TSHZ3: variants seen among roughly 807,000 people sequenced by gnomAD.
The protein encoded by TSHZ3 is teashirt homolog 3.
A neutral mutation model predicts 64.5 loss-of-function variants in TSHZ3; 10 were observed. That is an observed-to-expected ratio of 0.16 (90% CI 0.10 to 0.26). TSHZ3 has a LOEUF of 0.26. Among genes scored for constraint, TSHZ3 ranks in the 10% least tolerant of loss-of-function variants. The pLI is 1.00. For missense variants in TSHZ3, 1,242 were observed against 1,421.7 expected (o/e 0.87, Z 2.03); for synonymous variants, 608 against 593.1 (o/e 1.03, Z -0.36).
At chr19:31,290,029 C>T (rs1976537102) in intron 1 of TSHZ3, among the ~76,000 whole-genome samples, 1 of 152,182 alleles carries the variant, frequency 6.6e-6, no homozygotes. Context: ...AAACGTGCTG[C>T]ACACCTTGCT....
At chr19:31,199,020 C>G (rs1235021191) in intron 5 of TSHZ3, among the ~76,000 whole-genome samples, 1 of 152,146 alleles carries the variant, frequency 6.6e-6, no homozygotes, top group East Asian at 1.9e-4. Context: ...TCTAGACTTA[C>G]TGTAAAACTA....
chr19:31,338,822 TC>T (rs1485816993), intron 1 of TSHZ3, among the ~76,000 whole-genome samples: 4 of 146,776 alleles, frequency 2.7e-5, no homozygotes, highest in East Asian at 4.2e-4. Flanking sequence ...ATCTTTTTTT[TC>T]TTTCTTTCTT....
At chr19:31,179,189 C>T (rs889545147) in intron 5 of TSHZ3, among the ~76,000 whole-genome samples, 12 of 152,130 alleles carry the variant, frequency 7.9e-5, no homozygotes, top group Admixed American at 4.6e-4. Context: ...TAAAACACTC[C>T]AGGGCTATCA....
intron 3 of TSHZ3, among the ~76,000 whole-genome samples, chr19:31,233,762 C>T (rs114956160): frequency 0.014 from 2,097 of 152,244 alleles, 56 homozygotes; most frequent in African/African-American, 0.048. Flanking sequence ...TTCAAAACAA[C>T]GTGAGCAAAG....
chr19:31,303,082 T>C (rs1249073949), intron 1 of TSHZ3, among the ~76,000 whole-genome samples: 2 of 152,178 alleles, frequency 1.3e-5, no homozygotes, highest in African/African-American at 4.8e-5. Flanking sequence ...TACAGAGTCA[T>C]CTTTCAAATA....
Position 31,276,924 on chromosome 19 carries a change from G to A in TSHZ3, c.2869C>T (p.Leu957Phe). ...SHWLANVKYQ[L>F]RRTGGTKFLK... ...AACTTTGTTCCACCTGTCCTTCGAA[G>A]CTGGTATTTCACGTTGGCCAGCCAG... Residue 957 changes from leucine (L) to phenylalanine (F), a missense_variant, in exon 2 of 2, where the codon CTT becomes TTT. Physicochemically the swap from Leu to Phe is conservative, Grantham distance 22. This residue lies in a region of TSHZ3 where 11 missense variants were observed against 31.9 expected (regional missense o/e 0.34). Transcript: ENST00000240587. The A allele has an allele frequency of 6.2e-7, 1 of 1,614,246 alleles. No individual in the cohort carries two copies. Among genetic ancestry groups the A allele is most frequent in the Non-Finnish European group, 8.5e-7 (1 of 1,180,046 alleles).
At chr19:31,281,703 A>G (rs1976363458) in intron 1 of TSHZ3, among the ~76,000 whole-genome samples, 1 of 152,250 alleles carries the variant, frequency 6.6e-6, no homozygotes, top group Non-Finnish European at 1.5e-5. Context: ...TGCTAGCCAC[A>G]GTGAAGACTG....
chr19:31,260,009 C>A (rs776988784), intron 1 of TSHZ3, among the ~76,000 whole-genome samples: 12 of 152,168 alleles, frequency 7.9e-5, no homozygotes, highest in Non-Finnish European at 1.8e-4. Flanking sequence ...AGAACAACTT[C>A]TATGATGTGC....
chr19:31,153,383 TCTTA>T (rs1396767955), intron 6 of TSHZ3, among the ~76,000 whole-genome samples: 1 of 152,214 alleles, frequency 6.6e-6, no homozygotes, highest in Non-Finnish European at 1.5e-5. Flanking sequence ...CTCTCCTTCA[TCTTA>T]CTTATAGAGA....
intron 5 of TSHZ3, among the ~76,000 whole-genome samples, chr19:31,198,046 T>C (rs1358781270): frequency 6.6e-6 from 1 of 152,086 alleles, no homozygotes; most frequent in African/African-American, 2.4e-5. Flanking sequence ...GCAAAAATCC[T>C]CAGCAAATTA....
Position 31,275,439 on chromosome 19 carries a change from T to G in TSHZ3, c.*1108A>C, listed in dbSNP as rs200617649. The stretch of plus-strand genomic sequence containing the variant: ...AATACAGTACAAGTTCTTTTTTTTT[T>G]TTTGTTCTTTTTTTTAACCTTTTCA... On this transcript the variant is annotated 3_prime_UTR_variant, in exon 2 of 2. Coordinates refer to ENST00000240587, the MANE Select transcript of TSHZ3 (RefSeq NM_020856.4). The G allele has an allele frequency of 6.6e-6, 1 of 152,428 alleles. No homozygotes were observed. The highest frequency in any genetic ancestry group is 2.1e-4 in the South Asian group (1 of 4,816). The allele number at this position is 152,428 out of a possible 1,614,324, so 9.4% of individuals were successfully genotyped here.
chr19:31,192,784 C>A (rs1020102483), intron 5 of TSHZ3, among the ~76,000 whole-genome samples: 1 of 152,280 alleles, frequency 6.6e-6, no homozygotes, highest in East Asian at 1.9e-4. Flanking sequence ...CAGAGGAAAT[C>A]GTGAAATATA....
chr19:31,219,548 C>A (rs1371282126), intron 4 of TSHZ3, among the ~76,000 whole-genome samples: 1 of 152,028 alleles, frequency 6.6e-6, no homozygotes, highest in East Asian at 1.9e-4. Context: ...ATTTCCTTGT[C>A]CAATACAATA....
chr19:31,325,009 A>G (rs1452109338), intron 1 of TSHZ3, among the ~76,000 whole-genome samples: 1 of 152,232 alleles, frequency 6.6e-6, no homozygotes, highest in Non-Finnish European at 1.5e-5. Flanking sequence ...AATATTATTC[A>G]GCTAAAACCC....
intron 1 of TSHZ3, among the ~76,000 whole-genome samples, chr19:31,297,235 C>T (rs1291720632): frequency 1.3e-5 from 2 of 152,196 alleles, no homozygotes; most frequent in Non-Finnish European, 2.9e-5. Flanking sequence ...TCAGAGGATC[C>T]CTCCTGCGGA....
chr19:31,271,920 T>C (rs1976145987), downstream of TSHZ3, among the ~76,000 whole-genome samples: 1 of 152,236 alleles, frequency 6.6e-6, no homozygotes. Flanking sequence ...TGTTGGAGTT[T>C]GCATGTTTTC....
intron 3 of TSHZ3, among the ~76,000 whole-genome samples, chr19:31,232,470 A>G (rs887264707): frequency 6.6e-6 from 1 of 152,214 alleles, no homozygotes; most frequent in East Asian, 1.9e-4. Context: ...TTACTTGCCC[A>G]GTATTCCCAC....
chr19:31,205,472 G>A (rs1874492), intron 4 of TSHZ3, among the ~76,000 whole-genome samples: 47,315 of 152,014 alleles, frequency 0.31, 9,148 homozygotes, highest in Non-Finnish European at 0.44. Flanking sequence ...AATACTGGCC[G>A]TTTATGGCTC....
intron 5 of TSHZ3, among the ~76,000 whole-genome samples, chr19:31,202,403 T>A (rs936589579): frequency 7.2e-5 from 11 of 152,136 alleles, no homozygotes; most frequent in Admixed American, 5.9e-4. Context: ...ATATGTATAT[T>A]TCTTTTTTTA....
Sources: allele counts gnomAD v4.1 joint callset (sites outside exome capture counted in the v4.1 genomes callset), GRCh38; gene constraint gnomAD v4.1.1; regional missense constraint gnomAD v4.1.1; transcripts MANE v1.5; gene names NCBI Gene and HGNC (gene_info 2026-07-23, HGNC 2026-07-21).